Variants in ADCY9 observed in about 807,000 individuals in gnomAD.
ADCY9 encodes the protein adenylate cyclase 9.
ADCY9 carries 50 observed loss-of-function variants against 101.5 expected under a neutral mutation model. The observed-to-expected ratio is 0.49, with a 90% CI of 0.39 to 0.62. The LOEUF is 0.62. Ranked by LOEUF, ADCY9 falls within the 20% of genes least tolerant of loss-of-function variation. The pLI is 0.00. For synonymous variants in ADCY9, 905 were observed against 769.3 expected, an observed-to-expected ratio of 1.18 and a Z score of -2.92; for missense variants, 1,662 against 1,800.4, an observed-to-expected ratio of 0.92 and a Z score of 1.39.
At chr16:3,987,038 G>A (rs911331662) in intron 6 of ADCY9, among the ~76,000 whole-genome samples, 3 of 152,204 alleles carry the variant, frequency 2.0e-5, no homozygotes, top group African/African-American at 7.2e-5. Flanking sequence ...CTCCCTGGAC[G>A]AACCAGGCTC....
intron 2 of ADCY9, among the ~76,000 whole-genome samples, chr16:4,056,785 G>A (rs2239314): frequency 0.11 from 16,188 of 152,134 alleles, 1,342 homozygotes; most frequent in East Asian, 0.42. Flanking sequence ...GTTATAATTC[G>A]GCATGACGAT....
intron 10 of ADCY9, among the ~76,000 whole-genome samples, chr16:3,971,205 GTGT>G (rs1216053505): frequency 1.3e-5 from 2 of 152,012 alleles, no homozygotes; most frequent in African/African-American, 4.8e-5. Flanking sequence ...CATGTTACAA[GTGT>G]TGTCACCACT....
chr16:4,056,792 C>G (rs564660812), intron 2 of ADCY9, among the ~76,000 whole-genome samples: 1 of 152,110 alleles, frequency 6.6e-6, no homozygotes, highest in Non-Finnish European at 1.5e-5. Flanking sequence ...TTCGGCATGA[C>G]GATGGAGGTG....
At chr16:4,113,610 C>T in intron 2 of ADCY9, 140 bp downstream of exon 2, 3 of 1,146,482 alleles carry the variant, frequency 2.6e-6, no homozygotes, top group Non-Finnish European at 3.7e-6. Flanking sequence ...AAAAGTCACA[C>T]TGACCCTGAG....
downstream of ADCY9, among the ~76,000 whole-genome samples, chr16:3,960,241 C>T (rs992568036): frequency 1.5e-4 from 23 of 151,484 alleles, no homozygotes; most frequent in Admixed American, 3.9e-4. Context: ...AAGATTTGGC[C>T]GGGCACGGTG....
At chr16:3,983,620 G>A (rs1326898057) in intron 6 of ADCY9, 180 bp from the exon 7 acceptor site, 1 of 603,238 alleles carries the variant, frequency 1.7e-6, no homozygotes. Context: ...GGAGTCCAAG[G>A]CACAGAGAAG....
intron 10 of ADCY9, among the ~76,000 whole-genome samples, chr16:3,971,738 CA>C (rs1231006119): frequency 6.6e-6 from 1 of 152,094 alleles, no homozygotes; most frequent in Non-Finnish European, 1.5e-5. Context: ...ACACCAAGAA[CA>C]GTCCCCTTTA....
intron 10 of ADCY9, 77 bp from the exon 11 acceptor site, chr16:3,967,043 C>T (rs890462038): frequency 7.8e-6 from 10 of 1,277,050 alleles, no homozygotes; most frequent in African/African-American, 3.0e-5. Flanking sequence ...GCTAGCTACG[C>T]AAAGCTTTGT....
At chr16:4,101,338 G>A (rs1009965461) in intron 2 of ADCY9, among the ~76,000 whole-genome samples, 3 of 147,562 alleles carry the variant, frequency 2.0e-5, no homozygotes, top group Non-Finnish European at 4.4e-5. Context: ...TGAGTACAGT[G>A]GTGCAATCAC....
chr16:3,963,337 G>T lies in ADCY9; in HGVS notation c.*2438C>A, dbSNP rs1446964791. On this transcript the variant is annotated 3_prime_UTR_variant, in exon 11 of 11. Coordinates refer to ENST00000294016, the MANE Select transcript of ADCY9 (RefSeq NM_001116.4). The stretch of plus-strand genomic sequence containing the variant: ...GCTTAGAAACTCGTGTCTCCAGCAC[G>T]ATGTGCTCGCTGCCAACAGACAAGA... The T allele has an allele frequency of 2.5e-6, 1 of 398,786 alleles. No individual in the cohort carries two copies. Among genetic ancestry groups the T allele is most frequent in the East Asian group, 3.6e-5 (1 of 28,054 alleles). 24.7% of individuals were successfully genotyped at this position (398,786 alleles called of 1,614,324 possible).
chr16:4,007,520 C>T lies in ADCY9; in HGVS notation c.1732G>A (p.Glu578Lys), dbSNP rs758306629. Residue 578 changes from glutamate to lysine, a missense_variant, in exon 3 of 11, where the codon GAG (glutamate) becomes AAG (lysine). Physicochemically the swap from Glu to Lys is moderately conservative, Grantham distance 56. Coordinates refer to ENST00000294016, the MANE Select transcript of ADCY9 (RefSeq NM_001116.4). ...TYLISGQRAK[E>K]SRCSCAEALL... ...GCCTCTGCACAGCTGCAGCGAGACT[C>T]CTTGGCTCTCTGACCCGATATCAGG... 5.3e-5 allele frequency: 85 copies of T among 1,612,776 alleles called. No homozygotes were observed. Among genetic ancestry groups the T allele is most frequent in the Non-Finnish European group, 7.1e-5 (84 of 1,179,708 alleles).
Position 3,963,421 on chromosome 16 carries a change from G to C in ADCY9, c.*2354C>G. ...GTTCTGCACTGAGGTATGCATCGGA[G>C]CAGGGGACGGGGAGGACCCGAGGGG... On this transcript the variant is annotated 3_prime_UTR_variant, in exon 11 of 11. Transcript: ENST00000294016. The C allele has an allele frequency of 2.5e-6, 1 of 398,490 alleles. No individual in the cohort carries two copies. The highest frequency in any genetic ancestry group is 4.4e-6 in the Non-Finnish European group (1 of 225,760). 24.7% of individuals were successfully genotyped at this position (398,490 alleles called of 1,614,324 possible).
chr16:4,025,707 G>A (rs184254308), intron 2 of ADCY9, among the ~76,000 whole-genome samples: 2 of 152,334 alleles, frequency 1.3e-5, no homozygotes, highest in East Asian at 1.9e-4. Flanking sequence ...CTGCAGAGAA[G>A]GCAGAACCCG....
At chr16:3,958,710 C>T (rs1348713639), downstream of ADCY9, among the ~76,000 whole-genome samples, 1 of 118,864 alleles carries the variant, frequency 8.4e-6, no homozygotes. Context: ...CTTGCTCTGT[C>T]GCCCAGGCTG....
Position 3,966,327 on chromosome 16 carries a change from C to G in ADCY9, c.3510G>C (p.Gly1170=). The stretch of plus-strand genomic sequence containing the variant: ...TGCCGATGACCCCGGCCGTGAGGGG[C>G]CCATGGTTGAAGCCGACGCGGAGCT... ...NFKLRVGFNH[G]PLTAGVIGTT... Residue 1170 remains glycine, a synonymous_variant, in exon 11 of 11, where the codon GGG becomes GGC. Coordinates refer to ENST00000294016, the MANE Select transcript of ADCY9 (RefSeq NM_001116.4). The G allele has an allele frequency of 6.2e-7, 1 of 1,614,102 alleles. No homozygotes were observed. The highest frequency in any genetic ancestry group is 8.5e-7 in the Non-Finnish European group (1 of 1,180,044).
chr16:3,994,389 C>T (rs957070351), intron 3 of ADCY9, among the ~76,000 whole-genome samples: 1 of 152,182 alleles, frequency 6.6e-6, no homozygotes, highest in East Asian at 1.9e-4. Context: ...AAATTGATCA[C>T]GGTGATGGTT....
At position 4,000,305 on chromosome 16, in the gene ADCY9, C is replaced by T. The variant is rs552234249; in HGVS notation, c.1885-6795G>A. ...GAGCAAGCACTGGCCCAGAGCCACACGGTACGGTCGGAACCGCGTAAAGAG... is the reference window on the plus strand; with the variant it reads ...GAGCAAGCACTGGCCCAGAGCCACATGGTACGGTCGGAACCGCGTAAAGAG... On this transcript the variant is annotated intron_variant, in intron 3 of 10. Transcript: ENST00000294016. 5.3e-5 allele frequency among the ~76,000 whole-genome samples: 8 copies of T among 152,294 alleles called. No homozygotes were observed. In the East Asian group the frequency reaches 7.7e-4, roughly 15 times the overall value.
Position 4,108,908 on chromosome 16 carries a change from G to A in ADCY9, c.1693+4842C>T, listed in dbSNP as rs368568229. ...TTTAGTAAATATGGGGTTTCACCAC[G>A]TTGGCCAGGCTGGTCTCAAACTCCT... On this transcript the variant is annotated intron_variant, in intron 2 of 10. Transcript: ENST00000294016. 4.6e-5 allele frequency among the ~76,000 whole-genome samples: 7 copies of A among 151,326 alleles called. No homozygotes were observed. The East Asian group carries it at 5.9e-4, about 13-fold the overall frequency.
At chr16:3,962,491 G>C (rs2055946065), downstream of ADCY9, among the ~76,000 whole-genome samples, 1 of 151,898 alleles carries the variant, frequency 6.6e-6, no homozygotes, top group South Asian at 2.1e-4. Context: ...AACACAAACA[G>C]GGTTTTCTAC....
Sources: allele counts gnomAD v4.1 joint callset (sites outside exome capture counted in the v4.1 genomes callset), GRCh38; gene constraint gnomAD v4.1.1; transcripts MANE v1.5; gene names NCBI Gene and HGNC (gene_info 2026-07-23, HGNC 2026-07-21).